Variants in SEPTIN7 observed in about 807,000 individuals in gnomAD.
SEPTIN7 encodes septin 7.
In SEPTIN7, 10 loss-of-function variants were observed where a neutral mutation model predicts 63.3. That is an observed-to-expected ratio of 0.16 (90% CI 0.10 to 0.27). The LOEUF (loss-of-function observed/expected upper bound fraction) is 0.27, where lower values mean the gene tolerates loss of function less well. SEPTIN7 is among the 10% of genes least tolerant of loss of function. SEPTIN7 has a pLI of 1.00. For synonymous variants in SEPTIN7, 131 were observed against 165.3 expected, an observed-to-expected ratio of 0.79 and a Z score of 1.59; for missense variants, 310 against 521.0, an observed-to-expected ratio of 0.59 and a Z score of 3.94.
At chr7:35,828,865 A>G (rs771055110) in intron 1 of SEPTIN7, among the ~76,000 whole-genome samples, 19 of 152,154 alleles carry the variant, frequency 1.2e-4, no homozygotes, top group Non-Finnish European at 2.5e-4. Context: ...GGCTAAAGCA[A>G]TCCTCTCGCC....
intron 1 of SEPTIN7, among the ~76,000 whole-genome samples, chr7:35,816,892 C>T (rs1259084481): frequency 6.6e-6 from 1 of 152,068 alleles, no homozygotes; most frequent in Non-Finnish European, 1.5e-5. Flanking sequence ...AAATGCTTTG[C>T]TGAGTTTTTA....
intron 6 of SEPTIN7, among the ~76,000 whole-genome samples, chr7:35,876,504 T>C (rs1309429911): frequency 6.6e-6 from 1 of 152,218 alleles, no homozygotes; most frequent in African/African-American, 2.4e-5. Flanking sequence ...TATATAATGA[T>C]TAATGAAAAG....
intron 3 of SEPTIN7, among the ~76,000 whole-genome samples, chr7:35,850,925 G>A (rs144461181): frequency 2.0e-4 from 30 of 152,286 alleles, no homozygotes; most frequent in African/African-American, 7.2e-4. Flanking sequence ...TTGAGATGCT[G>A]AGTAAAACAA....
chr7:35,880,224 T>TTTTTTTTTTTTTTTTTTTTTG (rs1786782477), intron 7 of SEPTIN7, among the ~76,000 whole-genome samples: 1 of 43,908 alleles, frequency 2.3e-5, no homozygotes, highest in Non-Finnish European at 4.5e-5. Flanking sequence ...TTTTCTTTTC[T>TTTTTTTTTTTTTTTTTTTTTG]TTTTTTTTTT....
At chr7:35,867,860 G>C (rs1368804514) in intron 4 of SEPTIN7, among the ~76,000 whole-genome samples, 2 of 150,702 alleles carry the variant, frequency 1.3e-5, no homozygotes, top group Non-Finnish European at 3.0e-5. Context: ...CATTTTATTG[G>C]TCCATGAAGT....
intron 3 of SEPTIN7, among the ~76,000 whole-genome samples, chr7:35,840,947 C>T (rs369507112): frequency 1.3e-5 from 2 of 152,094 alleles, no homozygotes; most frequent in Non-Finnish European, 1.5e-5. Flanking sequence ...TTCAGTAATT[C>T]GTATATTCAT....
intron 1 of SEPTIN7, among the ~76,000 whole-genome samples, chr7:35,825,402 T>C (rs1252461759): frequency 6.6e-6 from 1 of 152,148 alleles, no homozygotes; most frequent in Non-Finnish European, 1.5e-5. Flanking sequence ...TTTTGGGCCT[T>C]TGCAGTTAAT....
chr7:35,900,856 G>A (rs1277053242), intron 12 of SEPTIN7: 2 of 152,046 alleles, frequency 1.3e-5, no homozygotes, highest in South Asian at 2.1e-4. Flanking sequence ...AAGAGCTCTG[G>A]GCCAAGGTTC....
intron 1 of SEPTIN7, among the ~76,000 whole-genome samples, chr7:35,814,322 G>T (rs1371726046): frequency 1.3e-5 from 2 of 152,126 alleles, no homozygotes; most frequent in African/African-American, 2.4e-5. Flanking sequence ...CATTCTTATA[G>T]ATTTGTAGAG....
Position 35,906,226 on chromosome 7 carries a change from G to A in SEPTIN7, c.*1933G>A, listed in dbSNP as rs1392029659. On this transcript the variant is annotated 3_prime_UTR_variant, in exon 14 of 14. Transcript: ENST00000350320. ...TTCTATGTATTATAATAATAAATTT[G>A]TAAGACATTCATTATTCTACCATCC... is the stretch of plus-strand genomic sequence containing the variant. 9 of 152,186 alleles carry A rather than the reference G, an allele frequency of 5.9e-5. No individual in the cohort carries two copies. The highest frequency in any genetic ancestry group is 5.9e-4 in the Admixed American group (9 of 15,280). 9.4% of individuals were successfully genotyped at this position (152,186 alleles called of 1,614,324 possible). A position where few individuals can be genotyped will look rare whatever the true frequency, so the allele number is the denominator to read the frequency against.
chr7:35,842,902 T>C (rs1784479017), intron 3 of SEPTIN7, among the ~76,000 whole-genome samples: 1 of 152,136 alleles, frequency 6.6e-6, no homozygotes, highest in Non-Finnish European at 1.5e-5. Flanking sequence ...GTAACAAGTG[T>C]ATGTTATACA....
At chr7:35,852,435 T>A (rs1328424695) in intron 3 of SEPTIN7, among the ~76,000 whole-genome samples, 1 of 152,134 alleles carries the variant, frequency 6.6e-6, no homozygotes, top group African/African-American at 2.4e-5. Context: ...TAACTTGGAT[T>A]AAGGGTATGT....
At chr7:35,808,701 T>C (rs1788510635) in intron 1 of SEPTIN7, among the ~76,000 whole-genome samples, 1 of 152,220 alleles carries the variant, frequency 6.6e-6, no homozygotes, top group Non-Finnish European at 1.5e-5. Context: ...CTTGCACCTC[T>C]TTTATAAGGT....
intron 1 of SEPTIN7, among the ~76,000 whole-genome samples, chr7:35,805,595 C>T (rs1254930460): frequency 2.0e-5 from 3 of 152,124 alleles, no homozygotes; most frequent in Non-Finnish European, 4.4e-5. Context: ...AGTTTATGTA[C>T]AGTATTATGT....
chr7:35,860,721 A>T (rs931226166), intron 3 of SEPTIN7, among the ~76,000 whole-genome samples: 3 of 152,276 alleles, frequency 2.0e-5, no homozygotes, highest in Middle Eastern at 3.4e-3. Flanking sequence ...TTATAGTCTT[A>T]TTTGAGGATT....
At chr7:35,843,452 G>A (rs79952046) in intron 3 of SEPTIN7, among the ~76,000 whole-genome samples, 4 of 152,252 alleles carry the variant, frequency 2.6e-5, no homozygotes, top group East Asian at 1.9e-4. Context: ...TCAGTCTCAC[G>A]TAATGACTTT....
intron 11 of SEPTIN7, among the ~76,000 whole-genome samples, chr7:35,891,318 A>G (rs549162100): frequency 1.1e-4 from 17 of 152,328 alleles, no homozygotes; most frequent in African/African-American, 4.1e-4. Flanking sequence ...CAGTGGGGAT[A>G]CATTTCTGAG....
chr7:35,901,270 G>C (rs756242665), intron 12 of SEPTIN7: 4 of 152,114 alleles, frequency 2.6e-5, no homozygotes, highest in Non-Finnish European at 5.9e-5. Context: ...GCCAGCATTT[G>C]AACCCAGTTA....
At chr7:35,803,592 G>T (rs1414280842) in intron 1 of SEPTIN7, among the ~76,000 whole-genome samples, 1 of 152,170 alleles carries the variant, frequency 6.6e-6, no homozygotes, top group East Asian at 1.9e-4. Flanking sequence ...ATTCCTACCT[G>T]ACTAAATTGC....
Sources: allele counts gnomAD v4.1 joint callset (sites outside exome capture counted in the v4.1 genomes callset), GRCh38; gene constraint gnomAD v4.1.1; transcripts MANE v1.5; gene names NCBI Gene and HGNC (gene_info 2026-07-23, HGNC 2026-07-21).